GRM7: variants seen among roughly 807,000 people sequenced by gnomAD.
GRM7 encodes metabotropic glutamate receptor 7.
GRM7 carries 35 observed loss-of-function variants against 84.5 expected under a neutral mutation model. That is an observed-to-expected ratio of 0.41 (90% CI 0.32 to 0.55). The LOEUF is 0.55. GRM7 is among the 20% of genes least tolerant of loss of function. The pLI is 0.19. For missense variants in GRM7, 1,003 were observed against 1,194.6 expected (o/e 0.84, Z 2.36); for synonymous variants, 487 against 455.1 (o/e 1.07, Z -0.89).
chr3:7,474,867 G>T (rs969970253), intron 7 of GRM7, among the ~76,000 whole-genome samples: 2 of 152,178 alleles, frequency 1.3e-5, no homozygotes, highest in Non-Finnish European at 2.9e-5. Context: ...TTATATGCCT[G>T]CAGGAAAGCA....
At chr3:7,136,044 A>G (rs190911986) in intron 1 of GRM7, among the ~76,000 whole-genome samples, 132 of 152,232 alleles carry the variant, frequency 8.7e-4, no homozygotes, top group African/African-American at 2.9e-3. Context: ...ACTATGTAAT[A>G]ATTATGGGAT....
intron 1 of GRM7, among the ~76,000 whole-genome samples, chr3:6,948,902 T>C (rs1040014045): frequency 1.3e-5 from 2 of 152,232 alleles, no homozygotes; most frequent in Non-Finnish European, 2.9e-5. Context: ...GTTTTCCATT[T>C]GCTTGGTAGA....
intron 2 of GRM7, among the ~76,000 whole-genome samples, chr3:7,268,655 A>C (rs1698737689): frequency 6.6e-6 from 1 of 152,198 alleles, no homozygotes; most frequent in African/African-American, 2.4e-5. Flanking sequence ...AAAAGGGCCT[A>C]GAAAAGCAGA....
chr3:6,951,943 G>T (rs1401495659), intron 1 of GRM7, among the ~76,000 whole-genome samples: 2 of 152,080 alleles, frequency 1.3e-5, no homozygotes, highest in Non-Finnish European at 2.9e-5. Context: ...ATTATGAAAT[G>T]ATTTTCTTTA....
At chr3:7,132,127 A>G (rs1238992627) in intron 1 of GRM7, among the ~76,000 whole-genome samples, 1 of 152,176 alleles carries the variant, frequency 6.6e-6, no homozygotes, top group Non-Finnish European at 1.5e-5. Flanking sequence ...CCAGTTTTAA[A>G]GAGTTGTTCT....
At chr3:6,919,540 G>T (rs1314115633) in intron 1 of GRM7, among the ~76,000 whole-genome samples, 1 of 150,248 alleles carries the variant, frequency 6.7e-6, no homozygotes, top group Non-Finnish European at 1.5e-5. Context: ...GCTTCAAAAC[G>T]TAGAAAAACA....
At chr3:7,555,902 A>C (rs1318651832) in intron 7 of GRM7, among the ~76,000 whole-genome samples, 1 of 152,184 alleles carries the variant, frequency 6.6e-6, no homozygotes, top group African/African-American at 2.4e-5. Context: ...GGAAGGGCCA[A>C]AAGCATTGCT....
chr3:7,532,432 T>C (rs918546352), intron 7 of GRM7, among the ~76,000 whole-genome samples: 1 of 152,166 alleles, frequency 6.6e-6, no homozygotes, highest in Non-Finnish European at 1.5e-5. Context: ...TGTTCTCTGA[T>C]GGTAGTTTGT....
At chr3:7,654,126 G>A (rs1449939262) in intron 8 of GRM7, among the ~76,000 whole-genome samples, 1 of 151,920 alleles carries the variant, frequency 6.6e-6, no homozygotes, top group African/African-American at 2.4e-5. Flanking sequence ...CTGATTTCTG[G>A]TCTCTTTCTC....
intron 8 of GRM7, among the ~76,000 whole-genome samples, chr3:7,645,417 C>G (rs896385227): frequency 1.3e-5 from 2 of 151,480 alleles, no homozygotes; most frequent in Non-Finnish European, 2.9e-5. Context: ...TGTGGTGGTG[C>G]GCGCCTGTAA....
At chr3:6,997,325 C>T (rs976940337) in intron 1 of GRM7, among the ~76,000 whole-genome samples, 47 of 152,142 alleles carry the variant, frequency 3.1e-4, no homozygotes, top group Admixed American at 1.3e-4. Flanking sequence ...TCTATAAAGA[C>T]ATACCCATAA....
intron 1 of GRM7, among the ~76,000 whole-genome samples, chr3:6,983,204 A>C (rs1334075628): frequency 6.6e-6 from 1 of 152,232 alleles, no homozygotes; most frequent in Non-Finnish European, 1.5e-5. Context: ...AACTACTAAA[A>C]GGCCACACAT....
intron 1 of GRM7, among the ~76,000 whole-genome samples, chr3:7,033,647 C>A (rs564045232): frequency 9.9e-5 from 15 of 152,066 alleles, no homozygotes; most frequent in Non-Finnish European, 2.2e-4. Flanking sequence ...AAACTAATTT[C>A]TTTTTACTTT....
At chr3:7,471,195 T>C (rs1039420751) in intron 7 of GRM7, among the ~76,000 whole-genome samples, 3 of 144,510 alleles carry the variant, frequency 2.1e-5, no homozygotes, top group Non-Finnish European at 4.5e-5. Flanking sequence ...GTATTAGTTT[T>C]TTATTGCTGC....
At chr3:7,296,722 T>C (rs1699825892) in intron 2 of GRM7, among the ~76,000 whole-genome samples, 1 of 152,098 alleles carries the variant, frequency 6.6e-6, no homozygotes, top group African/African-American at 2.4e-5. Context: ...GTTACCCTTC[T>C]TTCATTCCTA....
At chr3:7,214,522 T>C (rs1205283376) in intron 2 of GRM7, among the ~76,000 whole-genome samples, 2 of 152,250 alleles carry the variant, frequency 1.3e-5, no homozygotes, top group African/African-American at 2.4e-5. Context: ...ATATCTCTAA[T>C]GCTTTGCTTC....
intron 1 of GRM7, among the ~76,000 whole-genome samples, chr3:6,905,498 CAAAT>C (rs970718133): frequency 5.3e-5 from 8 of 151,920 alleles, no homozygotes; most frequent in African/African-American, 1.7e-4. Context: ...CTTGGGTTTC[CAAAT>C]AAATGAATGA....
At chr3:6,948,420 C>A (rs929958582) in intron 1 of GRM7, among the ~76,000 whole-genome samples, 2 of 152,112 alleles carry the variant, frequency 1.3e-5, no homozygotes, top group African/African-American at 4.8e-5. Context: ...GTCTGAGAGA[C>A]AGTTTGTTAT....
intron 1 of GRM7, among the ~76,000 whole-genome samples, chr3:7,098,885 C>A (rs747412021): frequency 1.8e-4 from 28 of 151,892 alleles, no homozygotes; most frequent in African/African-American, 6.3e-4. Context: ...ATAATTCTTT[C>A]TTTCTCCCAT....
Sources: allele counts gnomAD v4.1 joint callset (sites outside exome capture counted in the v4.1 genomes callset), GRCh38; gene constraint gnomAD v4.1.1; transcripts MANE v1.5; gene names NCBI Gene and HGNC (gene_info 2026-07-23, HGNC 2026-07-21).